NRXN3: variants seen among roughly 807,000 people sequenced by gnomAD.
NRXN3 encodes the protein neurexin 3, also known as neurexin III.
A neutral mutation model predicts 137.6 loss-of-function variants in NRXN3; 32 were observed. That is an observed-to-expected ratio of 0.23 (90% CI 0.18 to 0.31). The LOEUF (loss-of-function observed/expected upper bound fraction) is 0.31. Ranked by LOEUF, NRXN3 falls within the 10% of genes least tolerant of loss-of-function variation. NRXN3 has a pLI of 1.00. For synonymous variants in NRXN3, 798 were observed against 784.5 expected, an observed-to-expected ratio of 1.02 and a Z score of -0.29; for missense variants, 1,574 against 2,062.5, an observed-to-expected ratio of 0.76 and a Z score of 4.59.
chr14:79,346,955 TAATACACTGAA>T (rs2092918758), intron 15 of NRXN3, among the ~76,000 whole-genome samples: 1 of 152,156 alleles, frequency 6.6e-6, no homozygotes, highest in Non-Finnish European at 1.5e-5. Context: ...GGCACCAAAT[TAATACACTGAA>T]AATGCCACAA....
intron 1 of NRXN3, among the ~76,000 whole-genome samples, chr14:78,207,007 G>C (rs1320078246): frequency 2.0e-5 from 3 of 152,064 alleles, no homozygotes; most frequent in Non-Finnish European, 4.4e-5. Flanking sequence ...GCGATTACAG[G>C]TGTGCACCAC....
intron 8 of NRXN3, among the ~76,000 whole-genome samples, chr14:78,772,023 A>G (rs1462289935): frequency 6.6e-6 from 1 of 152,166 alleles, no homozygotes; most frequent in East Asian, 1.9e-4. Context: ...CCTTATATAC[A>G]TAGCTGGAAG....
At chr14:79,093,979 CA>C (rs2049749404) in intron 15 of NRXN3, among the ~76,000 whole-genome samples, 1 of 152,112 alleles carries the variant, frequency 6.6e-6, no homozygotes, top group Admixed American at 6.5e-5. Flanking sequence ...ACCATCAGGG[CA>C]ACTCAACCCA....
chr14:78,760,747 T>TAATTTGCTAG (rs2098689639), intron 8 of NRXN3, among the ~76,000 whole-genome samples: 1 of 152,088 alleles, frequency 6.6e-6, no homozygotes, highest in Non-Finnish European at 1.5e-5. Context: ...AATTACTTCA[T>TAATTTGCTAG]AGTGGATTGC....
Position 79,603,096 on chromosome 14 carries a change from C to A in NRXN3, c.3445-60682C>A, listed in dbSNP as rs148370246. Among the ~76,000 whole-genome samples the A allele has an allele frequency of 4.0e-3, 611 of 152,340 alleles. 3 individuals carry two copies. Among genetic ancestry groups the A allele is most frequent in the African/African-American group, 0.014 (562 of 41,572 alleles). Reference sequence around the variant, plus strand: ...TCAGCTCTTCCATTTCTTACAGGAACTTTTACAGTAACTTCTGAACTGTTA... The same window carrying A: ...TCAGCTCTTCCATTTCTTACAGGAAATTTTACAGTAACTTCTGAACTGTTA... On this transcript the variant is annotated intron_variant, in intron 16 of 20. Transcript: ENST00000335750.
In NRXN3 at chr14:79,546,689, C is replaced by T. The variant is rs141447099; in HGVS notation, c.3444+79287C>T. ...TCAATATGAGTCTCCCAACTGCTAG[C>T]GCAAGTGGTGGATAGATTTTCTTTT... On this transcript the variant is annotated intron_variant, in intron 16 of 20. Coordinates refer to ENST00000335750, the MANE Select transcript of NRXN3 (RefSeq NM_001330195.2). 5.1e-4 allele frequency among the ~76,000 whole-genome samples: 77 copies of T among 152,264 alleles called. 1 individual carries two copies. The East Asian group carries it at 9.7e-3, about 19-fold the overall frequency.
At chr14:78,741,812 CTT>C (rs1342144470) in intron 8 of NRXN3, among the ~76,000 whole-genome samples, 1 of 152,068 alleles carries the variant, frequency 6.6e-6, no homozygotes, top group Non-Finnish European at 1.5e-5. Context: ...TTGGACTCAG[CTT>C]TTTTTCTGAA....
At chr14:78,634,204 C>T (rs1423918041) in intron 4 of NRXN3, among the ~76,000 whole-genome samples, 1 of 152,210 alleles carries the variant, frequency 6.6e-6, no homozygotes, top group Admixed American at 6.5e-5. Context: ...AACATTTCCT[C>T]CTGTTGCCCT....
intron 15 of NRXN3, among the ~76,000 whole-genome samples, chr14:78,991,973 C>T (rs1232207468): frequency 2.0e-5 from 3 of 152,156 alleles, no homozygotes; most frequent in Admixed American, 6.5e-5. Context: ...CAGTTTCACT[C>T]TTATAAACAT....
At chr14:79,030,205 C>T (rs2099605379) in intron 15 of NRXN3, among the ~76,000 whole-genome samples, 1 of 151,750 alleles carries the variant, frequency 6.6e-6, no homozygotes, top group Non-Finnish European at 1.5e-5. Context: ...TAGCAGCATT[C>T]TTAGCCTCTA....
chr14:78,455,346 A>G (rs2094666153), intron 4 of NRXN3, among the ~76,000 whole-genome samples: 1 of 152,148 alleles, frequency 6.6e-6, no homozygotes, highest in Admixed American at 6.5e-5. Context: ...ATGGAGAGGG[A>G]GGAGAAGACT....
At chr14:79,385,268 T>C (rs979852607) in intron 15 of NRXN3, among the ~76,000 whole-genome samples, 1 of 137,984 alleles carries the variant, frequency 7.2e-6, no homozygotes, top group African/African-American at 2.7e-5. Context: ...GTCCATGTGA[T>C]CTCATTGTTC....
chr14:78,955,981 A>G (rs548206192), intron 10 of NRXN3, among the ~76,000 whole-genome samples: 11 of 152,288 alleles, frequency 7.2e-5, no homozygotes, highest in African/African-American at 2.6e-4. Flanking sequence ...TTATATAGAC[A>G]TTGATTATTC....
chr14:78,356,328 G>A (rs917877209), intron 4 of NRXN3, among the ~76,000 whole-genome samples: 1 of 152,216 alleles, frequency 6.6e-6, no homozygotes, highest in African/African-American at 2.4e-5. Flanking sequence ...TCCTGATGAG[G>A]AATATGGGCA....
chr14:78,819,471 T>C (rs887528191), intron 10 of NRXN3, among the ~76,000 whole-genome samples: 2 of 152,192 alleles, frequency 1.3e-5, no homozygotes, highest in Non-Finnish European at 2.9e-5. Context: ...TATAGGAGGA[T>C]GTACATAGTT....
chr14:79,518,212 CTTTTA>C (rs1327595831), intron 16 of NRXN3, among the ~76,000 whole-genome samples: 1 of 151,768 alleles, frequency 6.6e-6, no homozygotes, highest in Non-Finnish European at 1.5e-5. Flanking sequence ...GCCCACTTTT[CTTTTA>C]TATTTTTTTA....
intron 15 of NRXN3, among the ~76,000 whole-genome samples, chr14:78,992,934 C>G (rs536869838): frequency 6.6e-6 from 1 of 152,196 alleles, no homozygotes; most frequent in Admixed American, 6.5e-5. Flanking sequence ...AGGGAATGAA[C>G]GTGGGTCCTC....
intron 4 of NRXN3, among the ~76,000 whole-genome samples, chr14:78,356,030 A>G (rs1186994556): frequency 6.6e-6 from 1 of 152,212 alleles, no homozygotes; most frequent in Non-Finnish European, 1.5e-5. Context: ...GTGGCGAAAA[A>G]TCTTAACTTA....
chr14:78,494,426 G>GTTTTTT (rs1047418197), intron 4 of NRXN3, among the ~76,000 whole-genome samples: 1 of 134,982 alleles, frequency 7.4e-6, no homozygotes, highest in East Asian at 2.2e-4. Context: ...GAGGTGTTTT[G>GTTTTTT]TTTTTTTTTT....
Sources: gnomAD v4.1 joint callset for allele counts (sites outside exome capture counted in the v4.1 genomes callset) on GRCh38, gnomAD v4.1.1 for gene constraint, MANE v1.5 for transcripts, NCBI Gene and HGNC (gene_info 2026-07-23, HGNC 2026-07-21) for gene names.